The following NUP35 variants were observed in gnomAD, a reference collection of about 807,000 sequenced individuals.
NUP35 encodes the protein nucleoporin 35, also known as nucleoporin NUP35.
Under a neutral mutation model 41.5 loss-of-function variants are expected in NUP35, and 25 were observed. That is an observed-to-expected ratio of 0.60 (90% CI 0.44 to 0.84). The LOEUF is 0.84. NUP35 is among the 40% of genes least tolerant of loss of function. The pLI is 0.00. For synonymous variants in NUP35, 149 were observed against 130.7 expected (o/e 1.14, Z -0.96); for missense variants, 396 against 396.6 (o/e 1.00, Z 0.01).
At chr2:183,121,164 G>A (rs547228624), upstream of NUP35, among the ~76,000 whole-genome samples, 3 of 152,214 alleles carry the variant, frequency 2.0e-5, no homozygotes, top group South Asian at 6.2e-4. Flanking sequence ...AAAGCTGTTG[G>A]ATACTGCAGA....
chr2:183,158,900 A>T (rs754106074), intron 7 of NUP35, among the ~76,000 whole-genome samples: 1 of 152,190 alleles, frequency 6.6e-6, no homozygotes, highest in African/African-American at 2.4e-5. Flanking sequence ...CTCATTAAAT[A>T]GTACAGAGTA....
intron 5 of NUP35, among the ~76,000 whole-genome samples, chr2:183,153,938 C>G (rs1051489767): frequency 2.6e-5 from 4 of 152,274 alleles, no homozygotes; most frequent in African/African-American, 9.6e-5. Context: ...CATACATCTT[C>G]TGAAATCTAG....
chr2:183,159,826 A>G, intron 8 of NUP35, 174 bp downstream of exon 8: 1 of 491,146 alleles, frequency 2.0e-6, no homozygotes, highest in Admixed American at 4.1e-5. Flanking sequence ...ATCTTGGCCA[A>G]TTGGAAAGTT....
intron 6 of NUP35, 152 bp from the exon 7 acceptor site, chr2:183,158,131 T>TA (rs1685737365): frequency 4.0e-6 from 2 of 494,274 alleles, no homozygotes; most frequent in Admixed American, 3.9e-5. Context: ...CTGTTCTAAA[T>TA]ACGATTTTTG....
upstream of NUP35, among the ~76,000 whole-genome samples, chr2:183,119,537 C>T (rs1406511880): frequency 3.3e-5 from 5 of 151,982 alleles, no homozygotes; most frequent in African/African-American, 9.7e-5. Flanking sequence ...GGGTGGAAAG[C>T]TAAGGGATGC....
chr2:183,124,389 G>A (rs1471709965), upstream of NUP35: 2 of 1,613,664 alleles, frequency 1.2e-6, no homozygotes, highest in Non-Finnish European at 8.5e-7. Context: ...CGTTACCCGT[G>A]GGGAGCGTTT....
At chr2:183,138,269 A>ATATATATATATATATATATATTT in intron 4 of NUP35, among the ~76,000 whole-genome samples, 30 of 80,666 alleles carry the variant, frequency 3.7e-4, no homozygotes, top group African/African-American at 1.5e-3. Context: ...ATATATATAT[A>ATATATATATATATATATATATTT]TTTTTTTTTT....
intron 4 of NUP35, among the ~76,000 whole-genome samples, chr2:183,142,556 A>C (rs1007536599): frequency 6.6e-6 from 1 of 151,688 alleles, no homozygotes; most frequent in Non-Finnish European, 1.5e-5. Context: ...ATCTCGGCTC[A>C]CTGCAACCTG....
At chr2:183,152,110 A>AACACACACACAC (rs67798004) in intron 5 of NUP35, among the ~76,000 whole-genome samples, 97 of 113,468 alleles carry the variant, frequency 8.5e-4, no homozygotes, top group African/African-American at 2.6e-3. Context: ...AACATTTACA[A>AACACACACACAC]ACACACACAC....
intron 4 of NUP35, among the ~76,000 whole-genome samples, chr2:183,136,289 A>G (rs970536799): frequency 2.0e-5 from 3 of 152,212 alleles, no homozygotes; most frequent in African/African-American, 7.2e-5. Context: ...GTTTAAAACA[A>G]TACACGTATT....
chr2:183,154,265 A>T (rs1265801638), intron 5 of NUP35, among the ~76,000 whole-genome samples: 1 of 152,184 alleles, frequency 6.6e-6, no homozygotes, highest in African/African-American at 2.4e-5. Context: ...CATTAACATT[A>T]GGCTCCTTTC....
Position 183,128,405 on chromosome 2 carries a change from A to G in NUP35, c.159A>G (p.Ser53=). 1.2e-6 allele frequency: 2 copies of G among 1,614,040 alleles called. No individual in the cohort carries two copies. Among genetic ancestry groups the G allele is most frequent in the Non-Finnish European group, 1.7e-6 (2 of 1,179,972 alleles). Residue 53 remains serine, a synonymous_variant, in exon 2 of 9, where the codon TCA becomes TCG. Coordinates refer to ENST00000295119, the MANE Select transcript of NUP35 (RefSeq NM_138285.5). ...CTCCGGTGACTCCACAACCTCGATC[A>G]ATTAGTGGCCCTTCAGTAGGAGTAA... ...LPAPVTPQPR[S]ISGPSVGVME...
chr2:183,141,772 A>G (rs1685105231), intron 4 of NUP35, among the ~76,000 whole-genome samples: 1 of 152,122 alleles, frequency 6.6e-6, no homozygotes, highest in Non-Finnish European at 1.5e-5. Flanking sequence ...TTTGTTTTAA[A>G]TTGAGAATTT....
chr2:183,127,290 T>C (rs1684527413), intron 1 of NUP35, among the ~76,000 whole-genome samples: 1 of 151,988 alleles, frequency 6.6e-6, no homozygotes, highest in South Asian at 2.1e-4. Context: ...TTTTTTTTTT[T>C]TTTAAATAAA....
At chr2:183,126,756 T>G (rs1288695024) in intron 1 of NUP35, among the ~76,000 whole-genome samples, 1 of 152,166 alleles carries the variant, frequency 6.6e-6, no homozygotes, top group Admixed American at 6.5e-5. Flanking sequence ...AACAGATTGT[T>G]AAGGCCATCT....
At chr2:183,133,323 CT>C (rs33994337) in intron 3 of NUP35, among the ~76,000 whole-genome samples, 14,848 of 141,730 alleles carry the variant, frequency 0.1, 823 homozygotes, top group African/African-American at 0.16. Context: ...AGAAGATAGT[CT>C]TTTTTTTTTT....
intron 4 of NUP35, among the ~76,000 whole-genome samples, chr2:183,143,612 C>T (rs931901421): frequency 6.6e-6 from 1 of 152,126 alleles, no homozygotes; most frequent in African/African-American, 2.4e-5. Context: ...TTCCTTTTCT[C>T]CAGAGACAAA....
chr2:183,124,242 C>A, upstream of NUP35: 1 of 1,265,704 alleles, frequency 7.9e-7, no homozygotes, highest in Non-Finnish European at 1.0e-6. Flanking sequence ...CGCTGGTTCG[C>A]CACCTTCCCG....
At chr2:183,124,929 G>C (rs1684388019) in intron 1 of NUP35, among the ~76,000 whole-genome samples, 1 of 149,600 alleles carries the variant, frequency 6.7e-6, no homozygotes, top group African/African-American at 2.6e-5. Context: ...TGTGGGTGCA[G>C]TCCACTGCTT....
Sources: gnomAD v4.1 joint callset for allele counts (sites outside exome capture counted in the v4.1 genomes callset) on GRCh38, gnomAD v4.1.1 for gene constraint, MANE v1.5 for transcripts, NCBI Gene and HGNC (gene_info 2026-07-23, HGNC 2026-07-21) for gene names.